Variants in APBB2 observed in about 807,000 individuals in gnomAD.
APBB2 encodes Fe65-like 1.
Under a neutral mutation model 82.5 loss-of-function variants are expected in APBB2, and 38 were observed. The ratio of observed to expected loss-of-function variants is 0.46; its 90% CI spans 0.36 to 0.60. The LOEUF is 0.60. Ranked by LOEUF, APBB2 falls within the 20% of genes least tolerant of loss-of-function variation. The pLI is 0.00. For synonymous variants in APBB2, 341 were observed against 368.2 expected, an observed-to-expected ratio of 0.93 and a Z score of 0.85; for missense variants, 772 against 972.3, an observed-to-expected ratio of 0.79 and a Z score of 2.74.
intron 7 of APBB2, chr4:40,935,643 T>C (rs1785203795): frequency 6.6e-6 from 1 of 152,486 alleles, no homozygotes; most frequent in Non-Finnish European, 1.5e-5. Flanking sequence ...AGGAGAATGA[T>C]GGGGAGAGAG....
chr4:40,905,665 A>G (rs2154359482), intron 10 of APBB2, among the ~76,000 whole-genome samples: 1 of 152,364 alleles, frequency 6.6e-6, no homozygotes, highest in East Asian at 1.9e-4. Flanking sequence ...TGAGATTTAT[A>G]GGAACCACTG....
chr4:41,164,561 A>G (rs1490070332), intron 1 of APBB2, among the ~76,000 whole-genome samples: 1 of 152,200 alleles, frequency 6.6e-6, no homozygotes, highest in Admixed American at 6.5e-5. Flanking sequence ...GACAGCACAA[A>G]CCCAATTAAG....
intron 3 of APBB2, among the ~76,000 whole-genome samples, chr4:41,090,132 A>G (rs1315602554): frequency 1.3e-5 from 2 of 152,230 alleles, no homozygotes; most frequent in African/African-American, 4.8e-5. Context: ...ATAATTTAAA[A>G]GAAGATTTAA....
intron 6 of APBB2, among the ~76,000 whole-genome samples, chr4:40,950,026 G>A (rs910758202): frequency 1.3e-5 from 2 of 152,174 alleles, no homozygotes; most frequent in African/African-American, 4.8e-5. Context: ...TGGAGGACTG[G>A]AATTCGGACC....
chr4:41,016,310 T>C (rs1809918198), intron 5 of APBB2, among the ~76,000 whole-genome samples: 2 of 152,208 alleles, frequency 1.3e-5, no homozygotes, highest in Non-Finnish European at 2.9e-5. Context: ...ACCATCAGAA[T>C]TTCTAGGTGA....
intron 1 of APBB2, among the ~76,000 whole-genome samples, chr4:41,153,943 T>C (rs2341855): frequency 0.11 from 15,995 of 152,208 alleles, 1,099 homozygotes; most frequent in East Asian, 0.28. Flanking sequence ...ACCTAGTTTA[T>C]ATTGAAGCTC....
chr4:40,965,757 G>A (rs1459615717), intron 6 of APBB2, among the ~76,000 whole-genome samples: 1 of 152,186 alleles, frequency 6.6e-6, no homozygotes, highest in Non-Finnish European at 1.5e-5. Flanking sequence ...GAGGCTTCCA[G>A]TGAGCCAGAG....
intron 6 of APBB2, among the ~76,000 whole-genome samples, chr4:40,985,855 G>A (rs1039704924): frequency 6.6e-6 from 1 of 152,160 alleles, no homozygotes; most frequent in Non-Finnish European, 1.5e-5. Flanking sequence ...GTTGAGCAAA[G>A]CATTTCTAGA....
At position 41,212,465 on chromosome 4, in the gene APBB2, G is replaced by A. The variant is rs530608460; in HGVS notation, c.-417+1940C>T. ...AGCAATCCTCCCACCTCACCATCCA[G>A]CTTTTCAATTACCACTTTATAAAAA... On this transcript the variant is annotated intron_variant, in intron 1 of 17. Coordinates refer to ENST00000508593, the MANE Select transcript of APBB2 (RefSeq NM_004307.2). Among the ~76,000 whole-genome samples the A allele has an allele frequency of 1.7e-3, 255 of 152,168 alleles. 1 individual carries two copies. Among genetic ancestry groups the A allele is most frequent in the African/African-American group, 5.3e-3 (218 of 41,494 alleles).
chr4:41,196,059 T>C, intron 1 of APBB2, among the ~76,000 whole-genome samples: 1 of 151,666 alleles, frequency 6.6e-6, no homozygotes, highest in South Asian at 2.1e-4. Flanking sequence ...CTTGGGAGGC[T>C]GAGGCAAGAG....
At chr4:40,840,467 C>G (rs192353650) in intron 12 of APBB2, among the ~76,000 whole-genome samples, 2 of 152,144 alleles carry the variant, frequency 1.3e-5, no homozygotes, top group Non-Finnish European at 2.9e-5. Flanking sequence ...AATGACCCCC[C>G]GCAAAACACA....
chr4:41,057,215 C>A (rs1372191418), intron 4 of APBB2, among the ~76,000 whole-genome samples: 1 of 152,204 alleles, frequency 6.6e-6, no homozygotes, highest in Non-Finnish European at 1.5e-5. Flanking sequence ...CTTTGGGAGG[C>A]TGAGGCGGGC....
intron 6 of APBB2, among the ~76,000 whole-genome samples, chr4:40,989,234 G>T (rs1344106323): frequency 6.6e-6 from 1 of 152,076 alleles, no homozygotes; most frequent in African/African-American, 2.4e-5. Context: ...CAGTGGCTTG[G>T]TGGCAAAAGG....
At chr4:41,213,633 C>T (rs1779876605) in intron 1 of APBB2, among the ~76,000 whole-genome samples, 1 of 152,240 alleles carries the variant, frequency 6.6e-6, no homozygotes, top group South Asian at 2.1e-4. Context: ...AGCATCCTTC[C>T]CTCCGTCCAG....
chr4:40,983,452 C>A (rs1379192958), intron 6 of APBB2, among the ~76,000 whole-genome samples: 1 of 152,222 alleles, frequency 6.6e-6, no homozygotes, highest in Non-Finnish European at 1.5e-5. Flanking sequence ...CACAGAAATT[C>A]TCTTCCCTAT....
At chr4:41,066,441 A>G (rs983579363) in intron 3 of APBB2, among the ~76,000 whole-genome samples, 1 of 152,244 alleles carries the variant, frequency 6.6e-6, no homozygotes, top group Admixed American at 6.5e-5. Flanking sequence ...GATGAATAAG[A>G]TACCATCTCT....
intron 5 of APBB2, among the ~76,000 whole-genome samples, chr4:41,019,144 G>T (rs1224364265): frequency 6.6e-6 from 1 of 152,214 alleles, no homozygotes; most frequent in Non-Finnish European, 1.5e-5. Context: ...CAAGTTGGGG[G>T]AGACAGGACA....
At chr4:40,879,260 A>G (rs1261320774) in intron 12 of APBB2, among the ~76,000 whole-genome samples, 1 of 151,752 alleles carries the variant, frequency 6.6e-6, no homozygotes, top group African/African-American at 2.4e-5. Flanking sequence ...AGAAGCAGGA[A>G]CTCTTGGCTC....
intron 6 of APBB2, among the ~76,000 whole-genome samples, chr4:40,994,842 G>A (rs868370086): frequency 1.6e-4 from 24 of 147,602 alleles, no homozygotes; most frequent in African/African-American, 5.5e-4. Flanking sequence ...AAAGAAGAAA[G>A]GAAAAAGGAA....
Sources: allele counts gnomAD v4.1 joint callset (sites outside exome capture counted in the v4.1 genomes callset), GRCh38; gene constraint gnomAD v4.1.1; transcripts MANE v1.5; gene names NCBI Gene and HGNC (gene_info 2026-07-23, HGNC 2026-07-21).